SNTG1: variants seen among roughly 807,000 people sequenced by gnomAD.
The protein encoded by SNTG1 is syntrophin gamma 1, also known as gamma-1-syntrophin.
In SNTG1, 39 loss-of-function variants were observed where a neutral mutation model predicts 74.7. That is an observed-to-expected ratio of 0.52 (90% CI 0.40 to 0.68). The LOEUF is 0.68. SNTG1 is among the 30% of genes least tolerant of loss of function. SNTG1 has a pLI of 0.00. For synonymous variants in SNTG1, 254 were observed against 217.1 expected (o/e 1.17, Z -1.49); for missense variants, 685 against 609.5 (o/e 1.12, Z -1.30).
At chr8:50,317,168 C>T (rs561386779) in intron 2 of SNTG1, among the ~76,000 whole-genome samples, 22 of 152,266 alleles carry the variant, frequency 1.4e-4, no homozygotes, top group African/African-American at 5.1e-4. Context: ...TTAGCCTTTT[C>T]TGTTCTGGGA....
At chr8:50,792,398 A>T (rs1329633923) in intron 18 of SNTG1, among the ~76,000 whole-genome samples, 24 of 151,890 alleles carry the variant, frequency 1.6e-4, no homozygotes. Flanking sequence ...AATTTTGGCA[A>T]AATATATTTA....
At chr8:50,571,982 G>A (rs889704035) in intron 12 of SNTG1, among the ~76,000 whole-genome samples, 3 of 152,120 alleles carry the variant, frequency 2.0e-5, no homozygotes, top group Middle Eastern at 3.2e-3. Flanking sequence ...GGTGCTTTGA[G>A]CTTCTTATGT....
intron 2 of SNTG1, among the ~76,000 whole-genome samples, chr8:50,348,240 GAA>G (rs1405481930): frequency 6.6e-6 from 1 of 152,136 alleles, no homozygotes; most frequent in East Asian, 1.9e-4. Flanking sequence ...TTACAGGTCA[GAA>G]ATGGGAATGA....
intron 2 of SNTG1, among the ~76,000 whole-genome samples, chr8:50,294,125 A>G (rs542241653): frequency 3.9e-5 from 6 of 152,176 alleles, no homozygotes; most frequent in Non-Finnish European, 7.4e-5. Flanking sequence ...GAAAATAATA[A>G]AATAAAAATA....
chr8:50,200,085 A>G (rs756499868), intron 2 of SNTG1, among the ~76,000 whole-genome samples: 22 of 152,180 alleles, frequency 1.4e-4, no homozygotes, highest in Non-Finnish European at 3.1e-4. Flanking sequence ...TGTATGTGAC[A>G]TAATAACAGC....
At chr8:50,597,391 A>ACG (rs1563627996) in intron 13 of SNTG1, among the ~76,000 whole-genome samples, 1 of 134,104 alleles carries the variant, frequency 7.5e-6, no homozygotes, top group Non-Finnish European at 1.6e-5. Flanking sequence ...ACATATATAC[A>ACG]TATATACATA....
chr8:50,108,995 T>A (rs1337701423), intron 1 of SNTG1, among the ~76,000 whole-genome samples: 1 of 152,164 alleles, frequency 6.6e-6, no homozygotes, highest in African/African-American at 2.4e-5. Context: ...GTAGGAAGCA[T>A]AATTGACTTA....
chr8:50,504,329 A>G (rs1002014349), intron 9 of SNTG1, among the ~76,000 whole-genome samples: 1 of 152,216 alleles, frequency 6.6e-6, no homozygotes, highest in Non-Finnish European at 1.5e-5. Context: ...TCTTTATAAT[A>G]GAATGATTTA....
intron 8 of SNTG1, among the ~76,000 whole-genome samples, chr8:50,470,126 T>C (rs1466953201): frequency 6.6e-6 from 1 of 152,236 alleles, no homozygotes; most frequent in Non-Finnish European, 1.5e-5. Flanking sequence ...TAGGTCCTTG[T>C]CTAGAACAAC....
chr8:49,917,305 T>G (rs1806134599), intron 1 of SNTG1, among the ~76,000 whole-genome samples: 1 of 152,180 alleles, frequency 6.6e-6, no homozygotes, highest in Non-Finnish European at 1.5e-5. Context: ...CTATGTTTAG[T>G]TGAACTCATA....
rs372059039 is a variant in SNTG1 at position 50,752,187 on chromosome 8, G to A, written c.1395+76G>A. On this transcript the variant is annotated intron_variant, in intron 18 of 18. Transcript: ENST00000642720. The stretch of plus-strand genomic sequence containing the variant: ...TAAGGAACAAAGAGGGGAAACTTTC[G>A]GGGAATCACAAGACCAAAAACACAC... 2.2e-4 allele frequency: 163 copies of A among 746,340 alleles called. 1 individual carries two copies. Among genetic ancestry groups the A allele is most frequent in the Admixed American group, 7.6e-4 (24 of 31,700 alleles). 46.2% of individuals were successfully genotyped at this position (746,340 alleles called of 1,614,324 possible).
At chr8:50,066,728 A>G (rs1222595308) in intron 1 of SNTG1, among the ~76,000 whole-genome samples, 1 of 152,232 alleles carries the variant, frequency 6.6e-6, no homozygotes, top group Non-Finnish European at 1.5e-5. Flanking sequence ...TTAAAATAAT[A>G]CAGGATTTAA....
intron 2 of SNTG1, among the ~76,000 whole-genome samples, chr8:50,275,544 C>A (rs904272815): frequency 6.6e-6 from 1 of 152,166 alleles, no homozygotes. Flanking sequence ...TAACACTTCA[C>A]AAGTAGTGCA....
chr8:50,392,178 C>T (rs989384812), intron 2 of SNTG1, among the ~76,000 whole-genome samples: 1 of 152,082 alleles, frequency 6.6e-6, no homozygotes, highest in Non-Finnish European at 1.5e-5. Context: ...ATATAAGATG[C>T]TAACAGTAGA....
At chr8:50,735,455 C>T (rs1240683103) in intron 17 of SNTG1, among the ~76,000 whole-genome samples, 1 of 151,696 alleles carries the variant, frequency 6.6e-6, no homozygotes, top group Non-Finnish European at 1.5e-5. Context: ...AGAAACATAG[C>T]ACAAGAACTT....
chr8:50,452,698 G>A (rs755332241), intron 8 of SNTG1, among the ~76,000 whole-genome samples: 9 of 152,118 alleles, frequency 5.9e-5, no homozygotes, highest in Non-Finnish European at 1.2e-4. Flanking sequence ...TTCACAATAA[G>A]CTTTTATTTT....
Position 50,334,055 on chromosome 8 carries a change from C to T in SNTG1, c.-27-60157C>T, listed in dbSNP as rs544321900. ...GGGATTACAGGCACCCATCATCACG[C>T]CTGGCTAATTTTTGTATTTTTAGTA... On this transcript the variant is annotated intron_variant, in intron 2 of 18. Coordinates refer to ENST00000642720, the MANE Select transcript of SNTG1 (RefSeq NM_018967.5). 3.5e-3 allele frequency among the ~76,000 whole-genome samples: 533 copies of T among 152,300 alleles called. 4 individuals carry two copies. Among genetic ancestry groups the T allele is most frequent in the African/African-American group, 0.012 (486 of 41,544 alleles).
At chr8:49,934,279 A>G (rs1247798694) in intron 1 of SNTG1, among the ~76,000 whole-genome samples, 1 of 131,538 alleles carries the variant, frequency 7.6e-6, no homozygotes, top group Admixed American at 8.3e-5. Context: ...TATACTATAT[A>G]GATCTATCTA....
chr8:50,056,367 A>C (rs1453956762), intron 1 of SNTG1, among the ~76,000 whole-genome samples: 1 of 152,122 alleles, frequency 6.6e-6, no homozygotes, highest in Non-Finnish European at 1.5e-5. Context: ...CCTGAACCTT[A>C]CTCAAGGCTA....
Sources: gnomAD v4.1 joint callset for allele counts (sites outside exome capture counted in the v4.1 genomes callset) on GRCh38, gnomAD v4.1.1 for gene constraint, MANE v1.5 for transcripts, NCBI Gene and HGNC (gene_info 2026-07-23, HGNC 2026-07-21) for gene names.